Variants in KCNN3 observed in about 807,000 individuals in gnomAD.
KCNN3 encodes the protein potassium calcium-activated channel subfamily N member 3.
A neutral mutation model predicts 62.9 loss-of-function variants in KCNN3; 16 were observed. The observed-to-expected ratio is 0.25, with a 90% CI of 0.17 to 0.39. The LOEUF (loss-of-function observed/expected upper bound fraction) is 0.39. Ranked by LOEUF, KCNN3 falls within the 10% of genes least tolerant of loss-of-function variation. KCNN3 has a pLI of 1.00. For synonymous variants in KCNN3, 370 were observed against 389.2 expected, an observed-to-expected ratio of 0.95 and a Z score of 0.58; for missense variants, 599 against 949.4, an observed-to-expected ratio of 0.63 and a Z score of 4.85.
intron 3 of KCNN3, among the ~76,000 whole-genome samples, chr1:154,748,992 G>A (rs1320931488): frequency 1.3e-5 from 2 of 152,080 alleles, no homozygotes; most frequent in African/African-American, 2.4e-5. Flanking sequence ...TGACCATATT[G>A]CACCTTGGAG....
chr1:154,784,643 C>T (rs1310885807), intron 2 of KCNN3, among the ~76,000 whole-genome samples: 2 of 152,154 alleles, frequency 1.3e-5, no homozygotes, highest in African/African-American at 4.8e-5. Context: ...GAAGGATGGC[C>T]AGACAGTTGG....
At chr1:154,799,647 C>G (rs1415811092) in intron 2 of KCNN3, among the ~76,000 whole-genome samples, 1 of 152,192 alleles carries the variant, frequency 6.6e-6, no homozygotes, top group Non-Finnish European at 1.5e-5. Flanking sequence ...AAAGGCTTAG[C>G]TCCTACTGAA....
intron 1 of KCNN3, among the ~76,000 whole-genome samples, chr1:154,839,247 G>A (rs1428305618): frequency 6.6e-6 from 1 of 152,230 alleles, no homozygotes; most frequent in Non-Finnish European, 1.5e-5. Context: ...GAAGCAGGGC[G>A]CAGTTGTGCT....
intron 2 of KCNN3, among the ~76,000 whole-genome samples, chr1:154,804,709 TC>T (rs769368653): frequency 1.7e-4 from 26 of 152,054 alleles, no homozygotes; most frequent in Non-Finnish European, 3.5e-4. Flanking sequence ...ATAGTCCTAA[TC>T]CCTTTTACAT....
rs1699979732 is a variant in KCNN3 at position 154,707,167 on chromosome 1, T to G, written c.*809A>C. 6.6e-6 allele frequency: 1 copy of G among 152,188 alleles called. No individual in the cohort carries two copies. Among genetic ancestry groups the G allele is most frequent in the Non-Finnish European group, 1.5e-5 (1 of 68,034 alleles). The allele number at this position is 152,188 out of a possible 1,614,324, so 9.4% of individuals were successfully genotyped here. A position where few individuals can be genotyped will look rare whatever the true frequency, so the allele number is the denominator to read the frequency against. On this transcript the variant is annotated 3_prime_UTR_variant, in exon 8 of 8. Coordinates refer to ENST00000271915, the MANE Select transcript of KCNN3 (RefSeq NM_002249.6). ...TCCACATCTTCAGTGAAACTCAGAATGTGGCCAGAACTAGCTAACTACCTG... is the reference window on the plus strand; with the variant it reads ...TCCACATCTTCAGTGAAACTCAGAAGGTGGCCAGAACTAGCTAACTACCTG...
intron 1 of KCNN3, 130 bp downstream of exon 1, chr1:154,868,900 ATC>A (rs60145117): frequency 0.096 from 71,096 of 739,546 alleles, 280 homozygotes; most frequent in Admixed American, 0.12. Context: ...CAATCTCTCA[ATC>A]TCTCTCTCTC....
intron 3 of KCNN3, among the ~76,000 whole-genome samples, chr1:154,756,730 T>C (rs1462199617): frequency 1.3e-5 from 2 of 152,202 alleles, no homozygotes; most frequent in Non-Finnish European, 2.9e-5. Context: ...AAAAGAATCA[T>C]TGCAAACTTC....
intron 3 of KCNN3, among the ~76,000 whole-genome samples, chr1:154,769,137 C>G (rs973238273): frequency 3.9e-5 from 6 of 152,130 alleles, no homozygotes; most frequent in African/African-American, 1.4e-4. Context: ...TAGTGGATGA[C>G]ATGTTGCTTC....
intron 3 of KCNN3, among the ~76,000 whole-genome samples, chr1:154,750,264 G>A (rs940740047): frequency 3.3e-5 from 5 of 152,228 alleles, no homozygotes; most frequent in Non-Finnish European, 5.9e-5. Context: ...GGAGAGCAGC[G>A]GCTGGAAGGG....
intron 3 of KCNN3, among the ~76,000 whole-genome samples, chr1:154,760,576 C>A (rs1647956682): frequency 6.6e-6 from 1 of 152,214 alleles, no homozygotes; most frequent in African/African-American, 2.4e-5. Flanking sequence ...GGGGACACCG[C>A]CCACCTGGCC....
intron 2 of KCNN3, among the ~76,000 whole-genome samples, chr1:154,776,462 G>A (rs924032668): frequency 6.6e-6 from 1 of 152,162 alleles, no homozygotes; most frequent in Admixed American, 6.5e-5. Context: ...TTTTCAGGCT[G>A]CAGGTTAAAA....
chr1:154,733,171 C>T (rs765200624), intron 3 of KCNN3, 27 bp from the exon 4 acceptor site: 10 of 1,613,658 alleles, frequency 6.2e-6, no homozygotes, highest in Admixed American at 3.3e-5. Context: ...AGGAGTTAGT[C>T]GATGAACAGC....
intron 1 of KCNN3, among the ~76,000 whole-genome samples, chr1:154,836,591 T>C (rs1445396859): frequency 2.6e-5 from 4 of 152,178 alleles, no homozygotes; most frequent in Non-Finnish European, 4.4e-5. Flanking sequence ...GTCTGGAGCG[T>C]TTCTCTCACG....
intron 3 of KCNN3, among the ~76,000 whole-genome samples, chr1:154,770,028 G>C (rs1199652730): frequency 6.6e-6 from 1 of 152,246 alleles, no homozygotes; most frequent in Admixed American, 6.5e-5. Flanking sequence ...TCAGCTAACA[G>C]TACCATGAAG....
chr1:154,721,054 T>C (rs1287480924), intron 5 of KCNN3, among the ~76,000 whole-genome samples: 1 of 152,090 alleles, frequency 6.6e-6, no homozygotes, highest in Non-Finnish European at 1.5e-5. Flanking sequence ...AGGGAAGTTG[T>C]GGGTTTAATT....
chr1:154,853,032 C>G lies in KCNN3; in HGVS notation c.933+16000G>C, dbSNP rs149637637. 2.5e-3 allele frequency among the ~76,000 whole-genome samples: 386 copies of G among 152,302 alleles called. 2 individuals carry two copies. The highest frequency in any genetic ancestry group is 0.014 in the Middle Eastern group (4 of 294). On this transcript the variant is annotated intron_variant, in intron 1 of 7. Coordinates refer to ENST00000271915, the MANE Select transcript of KCNN3 (RefSeq NM_002249.6). ...TAGAGACAGGGTTTCACATGTCACC[C>G]AGGCTGGAGCACAGTGGCGTAATCA...
At chr1:154,708,329 C>T in intron 7 of KCNN3, 57 bp from the exon 8 acceptor site, 2 of 1,563,628 alleles carry the variant, frequency 1.3e-6, no homozygotes, top group East Asian at 2.2e-5. Context: ...ACAGAGGAAT[C>T]TGCAATGGGA....
Position 154,703,375 on chromosome 1 carries a change from G to A in KCNN3, c.*4601C>T, listed in dbSNP as rs1699904362. ...CACCGACTGCAAGGGGAGAGAAGGG[G>A]TTGTTCGTGCCTACTGGGAAGTCAC... On this transcript the variant is annotated 3_prime_UTR_variant, in exon 8 of 8. Transcript: ENST00000271915. 6.6e-6 allele frequency: 1 copy of A among 152,188 alleles called. No homozygotes were observed. The highest frequency in any genetic ancestry group is 6.5e-5 in the Admixed American group (1 of 15,280). 9.4% of individuals were successfully genotyped at this position (152,188 alleles called of 1,614,324 possible).
intron 3 of KCNN3, among the ~76,000 whole-genome samples, chr1:154,768,655 T>TAA (rs1648406307): frequency 6.6e-6 from 1 of 152,020 alleles, no homozygotes; most frequent in Admixed American, 6.6e-5. Context: ...AGGCAAGGGG[T>TAA]TTGACCTGAA....
Sources: gnomAD v4.1 joint callset for allele counts (sites outside exome capture counted in the v4.1 genomes callset) on GRCh38, gnomAD v4.1.1 for gene constraint, MANE v1.5 for transcripts, NCBI Gene and HGNC (gene_info 2026-07-23, HGNC 2026-07-21) for gene names.